The following ZNF470 variants were observed in gnomAD, a reference collection of about 807,000 sequenced individuals.
ZNF470 encodes zinc finger protein 470.
ZNF470 carries 13 observed loss-of-function variants against 13.9 expected under a neutral mutation model. That is an observed-to-expected ratio of 0.94 (90% confidence interval 0.61 to 1.49). The LOEUF (loss-of-function observed/expected upper bound fraction) is 1.49. ZNF470 is among the 40% of genes most tolerant of loss of function. ZNF470 has a pLI of 0.00. For missense variants in ZNF470, 929 were observed against 857.3 expected (o/e 1.08, Z -1.04); for synonymous variants, 293 against 282.9 (o/e 1.04, Z -0.36).
rs546579482 is a variant in ZNF470, at chr19:56,577,964, A to G, written c.1535A>G (p.Lys512Arg). ...ACTGGAGAGAAACCTTATGAATGTA[A>G]GGAATGCAGCAAAACCTTCAGCCAG... ...IHTGEKPYEC[K>R]ECSKTFSQNA... Residue 512 changes from lysine to arginine, a missense_variant, in exon 6 of 6, where the codon AAG (lysine) becomes AGG (arginine). Lys to Arg is a conservative substitution (Grantham distance 26, BLOSUM62 2). Coordinates refer to ENST00000330619, the MANE Select transcript of ZNF470 (RefSeq NM_001001668.4). 1.9e-6 allele frequency: 3 copies of G among 1,614,086 alleles called. No individual in the cohort carries two copies. The highest frequency in any genetic ancestry group is 2.2e-5 in the South Asian group (2 of 91,080).
intron 5 of ZNF470, 38 bp downstream of exon 5, chr19:56,574,771 C>A: frequency 4.5e-6 from 7 of 1,560,662 alleles, no homozygotes; most frequent in Non-Finnish European, 6.1e-6. Flanking sequence ...GAACTGTTCT[C>A]AACATGTTCT....
Position 56,581,686 on chromosome 19 carries a change from A to G in ZNF470, c.*3103A>G, listed in dbSNP as rs1175801253. ...TGATATCAAAAATAAAAATCAAAAT[A>G]TATATTATAGTAGGCATTTGTTTTT... is the stretch of plus-strand genomic sequence containing the variant. On this transcript the variant is annotated 3_prime_UTR_variant, in exon 6 of 6. Transcript: ENST00000330619. 1 of 982,252 alleles carries G rather than the reference A, an allele frequency of 1.0e-6. No individual in the cohort carries two copies. Among genetic ancestry groups the G allele is most frequent in the Non-Finnish European group, 1.2e-6 (1 of 827,136 alleles). The allele number at this position is 982,252 out of a possible 1,614,324, so 60.8% of individuals were successfully genotyped here.
chr19:56,581,278 A>G lies in ZNF470; in HGVS notation c.*2695A>G, dbSNP rs1416977103. The G allele has an allele frequency of 2.9e-5, 20 of 684,230 alleles. No individual in the cohort carries two copies. The highest frequency in any genetic ancestry group is 3.6e-5 in the Non-Finnish European group (20 of 555,450). 42.4% of individuals were successfully genotyped at this position (684,230 alleles called of 1,614,324 possible). On this transcript the variant is annotated 3_prime_UTR_variant, in exon 6 of 6. Coordinates refer to ENST00000330619, the MANE Select transcript of ZNF470 (RefSeq NM_001001668.4). ...ATATCACTAGAAATCAAGAAATGCA[A>G]ATTAAAGTGATTATCTACTTTTTCC...
At chr19:56,574,807 C>A in intron 5 of ZNF470, 74 bp downstream of exon 5, 1 of 1,321,138 alleles carries the variant, frequency 7.6e-7, no homozygotes, top group Admixed American at 2.3e-5. Context: ...TTGGAAAACA[C>A]CTCTCAAACT....
chr19:56,574,632 A>T lies in ZNF470; in HGVS notation c.188-6A>T. 2 of 1,612,976 alleles carry T rather than the reference A, an allele frequency of 1.2e-6. No individual in the cohort carries two copies. Among genetic ancestry groups the T allele is most frequent in the Non-Finnish European group, 1.7e-6 (2 of 1,179,566 alleles). On this transcript the variant is annotated splice_region_variant and splice_polypyrimidine_tract_variant and intron_variant, in intron 4 of 5. Coordinates refer to ENST00000330619, the MANE Select transcript of ZNF470 (RefSeq NM_001001668.4). ...AGGCAATTTTTATATGTCTTTTTAC[A>T]TGCAGGTCTTTGCATTTCTAAACCA...
Position 56,581,966 on chromosome 19 carries a change from T to C in ZNF470, c.*3383T>C. 1 of 985,412 alleles carries C rather than the reference T, an allele frequency of 1.0e-6. No individual in the cohort carries two copies. The highest frequency in any genetic ancestry group is 1.2e-6 in the Non-Finnish European group (1 of 829,926). 61.0% of individuals were successfully genotyped at this position (985,412 alleles called of 1,614,324 possible). On this transcript the variant is annotated 3_prime_UTR_variant, in exon 6 of 6. Coordinates refer to ENST00000330619, the MANE Select transcript of ZNF470 (RefSeq NM_001001668.4). The stretch of plus-strand genomic sequence containing the variant: ...GTCTGTGATTCCTCAAACTACCCAT[T>C]GTCTTTCCGGTACTTGATTTTTGCC...
In ZNF470 at chr19:56,574,663, G is replaced by C; in HGVS notation, c.213G>C (p.Val71=). Residue 71 remains valine (V), a synonymous_variant, in exon 5 of 6, where the codon GTG becomes GTC. Transcript: ENST00000330619. ...SVGLCISKPD[V]ISLLEQEKDP... is the part of the protein sequence containing the mutation. ...GTCTTTGCATTTCTAAACCAGATGT[G>C]ATCTCCTTACTGGAGCAAGAGAAAG... The C allele has an allele frequency of 6.2e-7, 1 of 1,613,752 alleles. No individual in the cohort carries two copies. The highest frequency in any genetic ancestry group is 1.3e-5 in the African/African-American group (1 of 75,008).
rs1023665465 is a variant in ZNF470 at position 56,580,179 on chromosome 19, A to T, written c.*1596A>T. 1.4e-5 allele frequency: 14 copies of T among 967,954 alleles called. No individual in the cohort carries two copies. The highest frequency in any genetic ancestry group is 1.3e-4 in the Admixed American group (2 of 15,276). The allele number at this position is 967,954 out of a possible 1,614,324, so 60.0% of individuals were successfully genotyped here. On this transcript the variant is annotated 3_prime_UTR_variant, in exon 6 of 6. Transcript: ENST00000330619. ...TGTTGGTATTAGAGGATGAGGGAAG[A>T]ACTAGAGGTAACTGTGAGACACAAA...
chr19:56,574,690 C>G lies in ZNF470; in HGVS notation c.240C>G (p.Asp80Glu). Residue 80 changes from aspartate to glutamate, a missense_variant, in exon 5 of 6, where the codon GAC becomes GAG. Physicochemically the swap from Asp to Glu is conservative, Grantham distance 45. Coordinates refer to ENST00000330619, the MANE Select transcript of ZNF470 (RefSeq NM_001001668.4). The stretch of plus-strand genomic sequence containing the variant: ...TCTCCTTACTGGAGCAAGAGAAAGA[C>G]CCTTGGGTGATAAAAGGAGGGATGA... ...DVISLLEQEK[D>E]PWVIKGGMNR... 5 of 1,613,776 alleles carry G rather than the reference C, an allele frequency of 3.1e-6. No homozygotes were observed. Among genetic ancestry groups the G allele is most frequent in the Non-Finnish European group, 4.2e-6 (5 of 1,179,818 alleles).
intron 3 of ZNF470, among the ~76,000 whole-genome samples, chr19:56,573,626 C>T (rs901220586): frequency 8.5e-5 from 13 of 152,158 alleles, no homozygotes; most frequent in Non-Finnish European, 2.9e-5. Flanking sequence ...ATTATTTCTC[C>T]TGATAATTTC....
chr19:56,573,668 A>G (rs1022139284), intron 3 of ZNF470, among the ~76,000 whole-genome samples: 1 of 152,178 alleles, frequency 6.6e-6, no homozygotes, highest in African/African-American at 2.4e-5. Context: ...ACTTTTGGGC[A>G]TGTTGGCTCA....
rs1473502087 is a variant in ZNF470 at position 56,576,934 on chromosome 19, G to GA, written c.511dup (p.Arg171LysfsTer5). The GA allele has an allele frequency of 1.3e-6, 2 of 1,578,696 alleles. No homozygotes were observed. The highest frequency in any genetic ancestry group is 1.4e-5 in the African/African-American group (1 of 72,600). ...CATCACTCATATAGATACTCTTATT[G>GA]AAAAAAGAGATCACTCTAACAAATC... On this transcript the variant is annotated frameshift_variant, in exon 6 of 6. Transcript: ENST00000330619. LOFTEE classifies it low-confidence loss of function (END_TRUNC).
At chr19:56,568,279 T>C (rs946756869) in intron 1 of ZNF470, among the ~76,000 whole-genome samples, 9 of 152,158 alleles carry the variant, frequency 5.9e-5, no homozygotes, top group Non-Finnish European at 1.5e-5. Context: ...GGTATATCAC[T>C]AAGGGCCCAT....
chr19:56,576,386 TA>T (rs2044488506), intron 5 of ZNF470, among the ~76,000 whole-genome samples: 2 of 152,264 alleles, frequency 1.3e-5, no homozygotes, highest in South Asian at 4.1e-4. Context: ...AAAGAGAGCT[TA>T]AAACATTTTT....
In ZNF470 at chr19:56,570,264, T is replaced by C. The variant is rs1351896472; in HGVS notation, c.-32-16T>C. The C allele has an allele frequency of 1.9e-6, 3 of 1,588,888 alleles. No homozygotes were observed. The highest frequency in any genetic ancestry group is 2.7e-5 in the African/African-American group (2 of 74,246). Reference sequence around the variant, plus strand: ...TTAGTGCTACTTGGTTTCTCACTACTTCTTTTTCTCCCCAGCTCTACAATC... The same window carrying C: ...TTAGTGCTACTTGGTTTCTCACTACCTCTTTTTCTCCCCAGCTCTACAATC... On this transcript the variant is annotated splice_polypyrimidine_tract_variant and intron_variant, in intron 2 of 5. Coordinates refer to ENST00000330619, the MANE Select transcript of ZNF470 (RefSeq NM_001001668.4).
At position 56,579,790 on chromosome 19, in the gene ZNF470, TA is replaced by T. The variant is rs2044521972; in HGVS notation, c.*1212del. The T allele has an allele frequency of 1.1e-6, 1 of 931,400 alleles. No homozygotes were observed. Among genetic ancestry groups the T allele is most frequent in the Non-Finnish European group, 1.3e-6 (1 of 780,960 alleles). 57.7% of individuals were successfully genotyped at this position (931,400 alleles called of 1,614,324 possible). A position where few individuals can be genotyped will look rare whatever the true frequency, so the allele number is the denominator to read the frequency against. ...ACATGCCTCTGTATAGAAAATCTGATAAAAATATTTCTCCCTAAATTGTAAA... is the reference window on the plus strand; with the variant it reads ...ACATGCCTCTGTATAGAAAATCTGATAAAATATTTCTCCCTAAATTGTAAA... On this transcript the variant is annotated 3_prime_UTR_variant, in exon 6 of 6. Coordinates refer to ENST00000330619, the MANE Select transcript of ZNF470 (RefSeq NM_001001668.4).
intron 3 of ZNF470, among the ~76,000 whole-genome samples, chr19:56,571,454 A>G (rs910514791): frequency 3.3e-5 from 5 of 152,238 alleles, no homozygotes; most frequent in African/African-American, 1.2e-4. Context: ...GGCCAACAAT[A>G]GAAGCTTCAG....
In ZNF470 at chr19:56,568,030, AGTACACAG is replaced by A; in HGVS notation, c.-163_-159+3del. 2 of 985,714 alleles carry A rather than the reference AGTACACAG, an allele frequency of 2.0e-6. No individual in the cohort carries two copies. The highest frequency in any genetic ancestry group is 2.4e-6 in the Non-Finnish European group (2 of 830,120). 61.1% of individuals were successfully genotyped at this position (985,714 alleles called of 1,614,324 possible). A position where few individuals can be genotyped will look rare whatever the true frequency, so the allele number is the denominator to read the frequency against. On this transcript the variant is annotated splice_region_variant and 5_prime_UTR_variant, in exon 1 of 6. An upstream open reading frame in the 5' UTR gains an earlier in-frame stop. Coordinates refer to ENST00000330619, the MANE Select transcript of ZNF470 (RefSeq NM_001001668.4). ...CGAGGAGCGAAGACCATGGGGACTG[AGTACACAG>A]GTAAGAGTGACAGATGACGGATGTG...
chr19:56,570,943 C>G (rs781200109), intron 3 of ZNF470, among the ~76,000 whole-genome samples: 2 of 152,142 alleles, frequency 1.3e-5, no homozygotes, highest in Non-Finnish European at 2.9e-5. Flanking sequence ...GGAAGTCTAC[C>G]GTATTTTAGC....
Sources: allele counts gnomAD v4.1 joint callset (sites outside exome capture counted in the v4.1 genomes callset), GRCh38; gene constraint gnomAD v4.1.1; transcripts MANE v1.5; gene names NCBI Gene and HGNC (gene_info 2026-07-23, HGNC 2026-07-21).